EPHA5: variants seen among roughly 807,000 people sequenced by gnomAD.
EPHA5 encodes the protein ephrin type-A receptor 5.
A neutral mutation model predicts 105.0 loss-of-function variants in EPHA5; 60 were observed. The observed-to-expected ratio is 0.57, with a 90% CI of 0.46 to 0.71. The LOEUF (loss-of-function observed/expected upper bound fraction) is 0.71. EPHA5 is among the 30% of genes least tolerant of loss of function. The pLI is 0.00. For synonymous variants in EPHA5, 513 were observed against 449.1 expected, an observed-to-expected ratio of 1.14 and a Z score of -1.80; for missense variants, 1,218 against 1,274.7, an observed-to-expected ratio of 0.96 and a Z score of 0.68.
At chr4:65,559,704 T>C (rs1738816570) in intron 3 of EPHA5, among the ~76,000 whole-genome samples, 2 of 152,240 alleles carry the variant, frequency 1.3e-5, no homozygotes, top group Admixed American at 6.6e-5. Context: ...ATACCATGGG[T>C]ATTAGAAGGG....
At chr4:65,477,207 A>T (rs1459067356) in intron 5 of EPHA5, among the ~76,000 whole-genome samples, 1 of 152,206 alleles carries the variant, frequency 6.6e-6, no homozygotes, top group East Asian at 1.9e-4. Flanking sequence ...AGAAAGCAGC[A>T]ATTTAAGTGA....
At chr4:65,428,178 A>G (rs1170417324) in intron 5 of EPHA5, among the ~76,000 whole-genome samples, 3 of 152,090 alleles carry the variant, frequency 2.0e-5, no homozygotes, top group African/African-American at 4.8e-5. Flanking sequence ...AATTTCCTAA[A>G]GTAAATGAGA....
chr4:65,402,141 T>A (rs1198430947), intron 8 of EPHA5, among the ~76,000 whole-genome samples: 2 of 152,054 alleles, frequency 1.3e-5, no homozygotes, highest in African/African-American at 4.8e-5. Flanking sequence ...CCTTGGTTCC[T>A]CCCCTTTCAG....
intron 3 of EPHA5, among the ~76,000 whole-genome samples, chr4:65,551,294 A>G (rs562049874): frequency 1.3e-5 from 2 of 150,830 alleles, no homozygotes; most frequent in South Asian, 2.1e-4. Flanking sequence ...ATATATATAT[A>G]TATATATGGA....
At chr4:65,386,749 T>C (rs1720134494) in intron 8 of EPHA5, among the ~76,000 whole-genome samples, 1 of 152,140 alleles carries the variant, frequency 6.6e-6, no homozygotes, top group Non-Finnish European at 1.5e-5. Context: ...AATTCAACTG[T>C]ACAAAAGACA....
At chr4:65,465,491 GA>G (rs1262180051) in intron 5 of EPHA5, among the ~76,000 whole-genome samples, 1 of 82,288 alleles carries the variant, frequency 1.2e-5, no homozygotes, top group African/African-American at 4.2e-5. Flanking sequence ...AAGAAAGAAA[GA>G]AAGAAAGAAA....
At chr4:65,465,507 G>GA (rs1321742015) in intron 5 of EPHA5, among the ~76,000 whole-genome samples, 2 of 98,506 alleles carry the variant, frequency 2.0e-5, no homozygotes, top group Non-Finnish European at 4.3e-5. Context: ...AAGAAAGAAA[G>GA]AAAGAAAGAA....
At chr4:65,493,611 TTTTAC>T (rs1731636548) in intron 4 of EPHA5, among the ~76,000 whole-genome samples, 4 of 152,142 alleles carry the variant, frequency 2.6e-5, no homozygotes, top group Non-Finnish European at 5.9e-5. Flanking sequence ...TTTAATTTTA[TTTTAC>T]TTTTAGAAAT....
intron 2 of EPHA5, among the ~76,000 whole-genome samples, chr4:65,611,023 G>A (rs1744712494): frequency 6.6e-6 from 1 of 152,148 alleles, no homozygotes; most frequent in South Asian, 2.1e-4. Context: ...CATAGTTGGT[G>A]AGTTTATATC....
intron 3 of EPHA5, among the ~76,000 whole-genome samples, chr4:65,515,266 A>G (rs1733995505): frequency 6.6e-6 from 1 of 152,182 alleles, no homozygotes; most frequent in South Asian, 2.1e-4. Context: ...GGTAGTAGAA[A>G]TCCACCTACA....
At chr4:65,348,624 G>A (rs964258910) in intron 13 of EPHA5, among the ~76,000 whole-genome samples, 11 of 139,272 alleles carry the variant, frequency 7.9e-5, no homozygotes, top group African/African-American at 3.0e-4. Context: ...ACCCTGAGCT[G>A]TTTAGCAGTT....
rs1184946166 is a variant in EPHA5, at chr4:65,322,193, T to C, written c.*1921A>G. 8.9e-6 allele frequency: 2 copies of C among 224,258 alleles called. No homozygotes were observed. 13.9% of individuals were successfully genotyped at this position (224,258 alleles called of 1,614,324 possible). A position where few individuals can be genotyped will look rare whatever the true frequency, so the allele number is the denominator to read the frequency against. ...ATTATTATGAGAACTGAATGTATTATTTGAAAACTGTTTAGATTTTTGTTG... is the reference window on the plus strand; with the variant it reads ...ATTATTATGAGAACTGAATGTATTACTTGAAAACTGTTTAGATTTTTGTTG... On this transcript the variant is annotated 3_prime_UTR_variant, in exon 17 of 17. Coordinates refer to ENST00000613740, the MANE Select transcript of EPHA5 (RefSeq NM_001281766.3).
At chr4:65,378,839 C>T (rs1382461049) in intron 8 of EPHA5, among the ~76,000 whole-genome samples, 1 of 151,742 alleles carries the variant, frequency 6.6e-6, no homozygotes, top group African/African-American at 2.4e-5. Context: ...CACTTGTAAG[C>T]AGTCAATGTT....
chr4:65,587,790 C>T (rs1001299713), intron 3 of EPHA5, among the ~76,000 whole-genome samples: 1 of 152,070 alleles, frequency 6.6e-6, no homozygotes, highest in Non-Finnish European at 1.5e-5. Context: ...TTCTCCCTTT[C>T]TAGCCACTTT....
chr4:65,440,499 T>TACACACACACACACACACACAC (rs71657410), intron 5 of EPHA5, among the ~76,000 whole-genome samples: 2 of 143,358 alleles, frequency 1.4e-5, no homozygotes, highest in Non-Finnish European at 3.0e-5. Context: ...TCCTAAATCT[T>TACACACACACACACACACACAC]ACACACACAC....
intron 5 of EPHA5, among the ~76,000 whole-genome samples, chr4:65,438,336 T>G (rs1410456186): frequency 6.7e-6 from 1 of 149,826 alleles, no homozygotes; most frequent in Non-Finnish European, 1.5e-5. Flanking sequence ...ATCAGTTAAA[T>G]AATTAATTAG....
chr4:65,330,554 A>ATTTAATATTTTTTAT (rs1491545604), intron 16 of EPHA5: 1 of 438,780 alleles, frequency 2.3e-6, no homozygotes, highest in Admixed American at 6.4e-5. Context: ...CAAAAGAGAC[A>ATTTAATATTTTTTAT]TTGTTTAATG....
chr4:65,496,678 C>A (rs1356861128), intron 3 of EPHA5, among the ~76,000 whole-genome samples: 1 of 151,692 alleles, frequency 6.6e-6, no homozygotes, highest in African/African-American at 2.4e-5. Flanking sequence ...TGAATAATGC[C>A]GCAATAAACA....
At chr4:65,359,001 C>A (rs1263100523) in intron 11 of EPHA5, among the ~76,000 whole-genome samples, 1 of 151,574 alleles carries the variant, frequency 6.6e-6, no homozygotes, top group Non-Finnish European at 1.5e-5. Flanking sequence ...ATAGACTTTT[C>A]AGAAGAGATG....
Sources: allele counts gnomAD v4.1 joint callset (sites outside exome capture counted in the v4.1 genomes callset), GRCh38; gene constraint gnomAD v4.1.1; transcripts MANE v1.5; gene names NCBI Gene and HGNC (gene_info 2026-07-23, HGNC 2026-07-21).